Variants in UNC5D observed in about 807,000 individuals in gnomAD.
UNC5D encodes the protein unc-5 netrin receptor D, also known as netrin receptor UNC5D.
UNC5D carries 39 observed loss-of-function variants against 105.4 expected under a neutral mutation model. That is an observed-to-expected ratio of 0.37 (90% CI 0.29 to 0.48). UNC5D has a LOEUF of 0.48. UNC5D is among the 20% of genes least tolerant of loss of function. The pLI, the probability that UNC5D is intolerant of heterozygous loss-of-function variation, is 0.98. For missense variants in UNC5D, 991 were observed against 1,202.4 expected (o/e 0.82, Z 2.60); for synonymous variants, 452 against 450.4 (o/e 1.00, Z -0.04).
chr8:35,472,213 A>G (rs1478879242), intron 1 of UNC5D, among the ~76,000 whole-genome samples: 2 of 152,214 alleles, frequency 1.3e-5, no homozygotes, highest in African/African-American at 2.4e-5. Flanking sequence ...GAAAACTGTC[A>G]TGGTGAAGCA....
chr8:35,532,972 C>T (rs1814507201), intron 1 of UNC5D, among the ~76,000 whole-genome samples: 1 of 140,154 alleles, frequency 7.1e-6, no homozygotes, highest in African/African-American at 2.8e-5. Context: ...AAGTTTTCAA[C>T]TTCTTTGCCT....
intron 4 of UNC5D, among the ~76,000 whole-genome samples, chr8:35,618,045 G>T (rs1362325513): frequency 6.6e-6 from 1 of 152,180 alleles, no homozygotes; most frequent in Non-Finnish European, 1.5e-5. Flanking sequence ...TGTGCAGGAA[G>T]TGTCAGGCTG....
intron 1 of UNC5D, among the ~76,000 whole-genome samples, chr8:35,430,606 C>T (rs1027728700): frequency 2.6e-5 from 4 of 152,018 alleles, no homozygotes; most frequent in Non-Finnish European, 5.9e-5. Flanking sequence ...AGATCTGATG[C>T]TATCTCCAGG....
intron 1 of UNC5D, among the ~76,000 whole-genome samples, chr8:35,538,461 A>C (rs1475540324): frequency 1.4e-5 from 2 of 143,844 alleles, no homozygotes; most frequent in African/African-American, 5.0e-5. Context: ...CAAAAGACGG[A>C]GGAATTTTAT....
At chr8:35,578,042 TG>T (rs1818207510) in intron 3 of UNC5D, among the ~76,000 whole-genome samples, 1 of 151,926 alleles carries the variant, frequency 6.6e-6, no homozygotes, top group South Asian at 2.1e-4. Context: ...CTGGCCAACA[TG>T]GTGAAACCTC....
intron 9 of UNC5D, among the ~76,000 whole-genome samples, chr8:35,723,354 G>A (rs1828684214): frequency 6.6e-6 from 1 of 152,142 alleles, no homozygotes; most frequent in African/African-American, 2.4e-5. Context: ...CCTCAAAAGA[G>A]ACACATCCCC....
chr8:35,438,478 C>A (rs115003341), intron 1 of UNC5D, among the ~76,000 whole-genome samples: 2,152 of 152,034 alleles, frequency 0.014, 62 homozygotes, highest in African/African-American at 0.049. Context: ...CATGCTGGGA[C>A]AACCAGCTTA....
intron 16 of UNC5D, among the ~76,000 whole-genome samples, chr8:35,782,728 C>T (rs1802560968): frequency 6.6e-6 from 1 of 152,092 alleles, no homozygotes; most frequent in African/African-American, 2.4e-5. Flanking sequence ...TAGTCTTGAA[C>T]TCCTGACCTC....
intron 1 of UNC5D, among the ~76,000 whole-genome samples, chr8:35,445,601 T>G (rs1450143893): frequency 6.6e-6 from 1 of 152,058 alleles, no homozygotes; most frequent in Non-Finnish European, 1.5e-5. Context: ...AAACAAGTGT[T>G]GAAGGTGAGC....
At chr8:35,484,585 C>T (rs916668665) in intron 1 of UNC5D, among the ~76,000 whole-genome samples, 2 of 152,116 alleles carry the variant, frequency 1.3e-5, no homozygotes, top group Non-Finnish European at 2.9e-5. Context: ...TTCCCACTGA[C>T]ATGTTATGAA....
intron 1 of UNC5D, among the ~76,000 whole-genome samples, chr8:35,249,559 AAATAAT>A (rs148177480): frequency 0.011 from 1,627 of 142,588 alleles, 21 homozygotes; most frequent in Middle Eastern, 0.026. Flanking sequence ...CTCTGTCTCA[AAATAAT>A]AATAATAATA....
chr8:35,566,929 C>A (rs1817380776), intron 2 of UNC5D, among the ~76,000 whole-genome samples: 1 of 152,106 alleles, frequency 6.6e-6, no homozygotes, highest in Admixed American at 6.5e-5. Flanking sequence ...AAGTGAGGTG[C>A]CCCTTCCATC....
At chr8:35,440,059 C>T (rs1807298838) in intron 1 of UNC5D, among the ~76,000 whole-genome samples, 1 of 151,990 alleles carries the variant, frequency 6.6e-6, no homozygotes, top group African/African-American at 2.4e-5. Context: ...CCTTCTAATC[C>T]TCAATGTTTT....
rs535931846 is a variant in UNC5D at position 35,285,671 on chromosome 8, A to G, written c.103+49784A>G. The stretch of plus-strand genomic sequence containing the variant: ...TGTAATCACTGCTGTATACAGGTTA[A>G]GCTTCTTACTGAAGAGGTCTTTCTG... On this transcript the variant is annotated intron_variant, in intron 1 of 16. Coordinates refer to ENST00000404895, the MANE Select transcript of UNC5D (RefSeq NM_080872.4). Among the ~76,000 whole-genome samples, 10 of 152,310 alleles carry G rather than the reference A, an allele frequency of 6.6e-5. No homozygotes were observed. The East Asian group carries it at 1.9e-3, about 29-fold the overall frequency.
intron 1 of UNC5D, among the ~76,000 whole-genome samples, chr8:35,295,482 A>C (rs1420533054): frequency 6.6e-6 from 1 of 152,204 alleles, no homozygotes; most frequent in Non-Finnish European, 1.5e-5. Context: ...GTGTTGTTCA[A>C]GGGCCAACCA....
In UNC5D at chr8:35,396,496, CT is replaced by C. The variant is rs754696276; in HGVS notation, c.104-152783del. Among the ~76,000 whole-genome samples the C allele has an allele frequency of 4.2e-3, 604 of 144,040 alleles. 1 individual carries two copies. The highest frequency in any genetic ancestry group is 7.7e-3 in the Admixed American group (110 of 14,370). The allele number at this position is 144,040 out of a possible 152,430, so 94.5% of individuals were successfully genotyped here. Reference sequence around the variant, plus strand: ...CAGAACTGAAGATGGCTTTTATTTTCTTTTTTTTTTTTTCCCGGGAGACAAA... The same window carrying C: ...CAGAACTGAAGATGGCTTTTATTTTCTTTTTTTTTTTTCCCGGGAGACAAA... On this transcript the variant is annotated intron_variant, in intron 1 of 16. Transcript: ENST00000404895.
intron 1 of UNC5D, among the ~76,000 whole-genome samples, chr8:35,325,444 T>G (rs948411585): frequency 2.0e-5 from 3 of 152,106 alleles, no homozygotes; most frequent in African/African-American, 7.2e-5. Context: ...TTGAAAAACC[T>G]AAGAATGACA....
chr8:35,707,833 G>A (rs1056540484), intron 8 of UNC5D, among the ~76,000 whole-genome samples: 10 of 152,152 alleles, frequency 6.6e-5, no homozygotes, highest in Admixed American at 1.3e-4. Flanking sequence ...TTTGCTTGGG[G>A]TTCTCGTTCC....
intron 1 of UNC5D, among the ~76,000 whole-genome samples, chr8:35,260,420 T>C (rs2128820982): frequency 6.6e-6 from 1 of 152,330 alleles, no homozygotes; most frequent in Admixed American, 6.5e-5. Context: ...GTCCACAAAG[T>C]ACACACGACC....
Sources: gnomAD v4.1 joint callset for allele counts (sites outside exome capture counted in the v4.1 genomes callset) on GRCh38, gnomAD v4.1.1 for gene constraint, MANE v1.5 for transcripts, NCBI Gene and HGNC (gene_info 2026-07-23, HGNC 2026-07-21) for gene names.